Variants in SLC35F4 observed in about 807,000 individuals in gnomAD.
The protein encoded by SLC35F4 is solute carrier family 35 member F4.
SLC35F4 carries 24 observed loss-of-function variants against 44.2 expected under a neutral mutation model. The ratio of observed to expected loss-of-function variants is 0.54; its 90% CI spans 0.39 to 0.76. The LOEUF (loss-of-function observed/expected upper bound fraction) is 0.76, where lower values mean the gene tolerates loss of function less well. Ranked by LOEUF, SLC35F4 falls within the 30% of genes least tolerant of loss-of-function variation. SLC35F4 has a pLI of 0.00. For synonymous variants in SLC35F4, 238 were observed against 223.6 expected (o/e 1.06, Z -0.57); for missense variants, 562 against 586.1 (o/e 0.96, Z 0.42).
chr14:57,897,819 A>G (rs1225357773), intron 1 of SLC35F4, among the ~76,000 whole-genome samples: 1 of 152,208 alleles, frequency 6.6e-6, no homozygotes, highest in East Asian at 1.9e-4. Context: ...CACAAATGGT[A>G]TCATCTATAA....
chr14:57,903,341 C>G (rs1356880368), intron 1 of SLC35F4, among the ~76,000 whole-genome samples: 1 of 152,148 alleles, frequency 6.6e-6, no homozygotes, highest in African/African-American at 2.4e-5. Context: ...TAAAGGCAAG[C>G]CAGACCTCAC....
intron 1 of SLC35F4, among the ~76,000 whole-genome samples, chr14:57,950,687 T>TTTTTTTTTTTTA (rs1890120928): frequency 6.6e-6 from 1 of 150,622 alleles, no homozygotes; most frequent in African/African-American, 2.4e-5. Flanking sequence ...TTTTTTTTTT[T>TTTTTTTTTTTTA]GAGACAGAGT....
chr14:57,768,935 T>C lies in SLC35F4; in HGVS notation c.103+96788A>G, dbSNP rs191702938. ...GCCAGGCTAATTTTTGTATTTTTAG[T>C]AGCGATAGGGTTTCACCATGTTGGC... is the stretch of plus-strand genomic sequence containing the variant. On this transcript the variant is annotated intron_variant, in intron 1 of 7. Transcript: ENST00000556826. Among the ~76,000 whole-genome samples, 449 of 152,262 alleles carry C rather than the reference T, an allele frequency of 2.9e-3. 7 individuals are homozygous for C. Among genetic ancestry groups the C allele is most frequent in the Non-Finnish European group, 8.4e-4 (57 of 68,038 alleles).
intron 1 of SLC35F4, chr14:57,629,995 C>A: frequency 9.4e-6 from 5 of 529,526 alleles, no homozygotes; most frequent in South Asian, 5.6e-5. Flanking sequence ...TGAACTTGGT[C>A]ATTATGGTCC....
intron 1 of SLC35F4, among the ~76,000 whole-genome samples, chr14:57,843,920 T>C (rs983019023): frequency 9.9e-5 from 15 of 151,938 alleles, no homozygotes; most frequent in African/African-American, 3.4e-4. Context: ...ATAGAGAGAG[T>C]CATCTGCGGA....
chr14:57,735,725 G>GC (rs1188893266), intron 1 of SLC35F4, among the ~76,000 whole-genome samples: 1 of 140,934 alleles, frequency 7.1e-6, no homozygotes, highest in African/African-American at 2.6e-5. Flanking sequence ...ACCCCCTTTT[G>GC]TTTTTTTTTT....
At chr14:57,926,334 T>C (rs1594629734) in intron 1 of SLC35F4, among the ~76,000 whole-genome samples, 1 of 152,226 alleles carries the variant, frequency 6.6e-6, no homozygotes, top group African/African-American at 2.4e-5. Flanking sequence ...ATGGTTTTTT[T>C]AGAAAGTTTT....
In SLC35F4 at chr14:57,624,609, T is replaced by A. The variant is rs141695781; in HGVS notation, c.104-30485A>T. Among the ~76,000 whole-genome samples the A allele has an allele frequency of 2.6e-5, 4 of 152,220 alleles. No individual in the cohort carries two copies. The East Asian group carries it at 7.7e-4, about 29-fold the overall frequency. On this transcript the variant is annotated intron_variant, in intron 1 of 7. Transcript: ENST00000556826. The stretch of plus-strand genomic sequence containing the variant: ...CACATCAAAAAGTTTATCCACCATG[T>A]TCAAGTCGGCTTCATCCCTGGGATG...
intron 1 of SLC35F4, among the ~76,000 whole-genome samples, chr14:57,706,820 T>C (rs879337972): frequency 2.6e-5 from 4 of 152,158 alleles, no homozygotes; most frequent in Non-Finnish European, 4.4e-5. Flanking sequence ...GTGGGCCAGA[T>C]AACGCAGGAC....
chr14:57,767,158 TCTCA>T (rs546239523), intron 1 of SLC35F4, among the ~76,000 whole-genome samples: 222 of 152,230 alleles, frequency 1.5e-3, no homozygotes, highest in African/African-American at 5.2e-3. Context: ...GACACTCACC[TCTCA>T]CTAACTGATA....
intron 1 of SLC35F4, among the ~76,000 whole-genome samples, chr14:57,637,891 A>G (rs1342223713): frequency 1.3e-5 from 2 of 152,030 alleles, no homozygotes; most frequent in African/African-American, 4.8e-5. Context: ...GAGGTCAGAC[A>G]CACTTCTTTA....
At chr14:57,809,711 A>G (rs1881746642) in intron 1 of SLC35F4, among the ~76,000 whole-genome samples, 1 of 152,196 alleles carries the variant, frequency 6.6e-6, no homozygotes, top group African/African-American at 2.4e-5. Context: ...CCTTAAAATG[A>G]CCATTATTTG....
intron 1 of SLC35F4, among the ~76,000 whole-genome samples, chr14:57,911,160 G>A (rs920726828): frequency 2.6e-5 from 4 of 151,658 alleles, no homozygotes; most frequent in African/African-American, 4.8e-5. Flanking sequence ...AAGTTCCAGG[G>A]GTTTGGGGTT....
intron 1 of SLC35F4, among the ~76,000 whole-genome samples, chr14:57,890,509 C>A (rs809931): frequency 6.6e-6 from 1 of 151,840 alleles, no homozygotes; most frequent in South Asian, 2.1e-4. Context: ...TTTTGGAGAA[C>A]GCTGAATTTC....
At chr14:57,783,066 G>A (rs534554149) in intron 1 of SLC35F4, among the ~76,000 whole-genome samples, 1 of 152,198 alleles carries the variant, frequency 6.6e-6, no homozygotes, top group African/African-American at 2.4e-5. Context: ...TGAAAACCTT[G>A]CATTTTTTGC....
intron 1 of SLC35F4, among the ~76,000 whole-genome samples, chr14:57,647,531 A>G (rs1482129177): frequency 6.6e-6 from 1 of 152,124 alleles, no homozygotes; most frequent in African/African-American, 2.4e-5. Flanking sequence ...TCCTGGTGGC[A>G]TTACTGGACA....
At chr14:57,981,358 ATGGGTGCT>A (rs952060747) in intron 1 of SLC35F4, among the ~76,000 whole-genome samples, 25 of 152,300 alleles carry the variant, frequency 1.6e-4, no homozygotes, top group Middle Eastern at 6.8e-3. Flanking sequence ...AGCGTGGGAA[ATGGGTGCT>A]TGGGTGCTTA....
chr14:57,602,544 A>T (rs1226294428), intron 1 of SLC35F4: 1 of 152,178 alleles, frequency 6.6e-6, no homozygotes, highest in Non-Finnish European at 1.5e-5. Context: ...CATTCACATG[A>T]TGATGGTAGA....
chr14:57,743,244 GA>G (rs1231803164), intron 1 of SLC35F4, among the ~76,000 whole-genome samples: 1 of 152,124 alleles, frequency 6.6e-6, no homozygotes, highest in African/African-American at 2.4e-5. Flanking sequence ...GAAGGAAATA[GA>G]GACATAAAAA....
Sources: allele counts gnomAD v4.1 joint callset (sites outside exome capture counted in the v4.1 genomes callset), GRCh38; gene constraint gnomAD v4.1.1; transcripts MANE v1.5; gene names NCBI Gene and HGNC (gene_info 2026-07-23, HGNC 2026-07-21).